SCML4: variants seen among roughly 807,000 people sequenced by gnomAD.
SCML4 encodes Scm polycomb group protein like 4.
SCML4 carries 34 observed loss-of-function variants against 41.1 expected under a neutral mutation model. That is an observed-to-expected ratio of 0.83 (90% CI 0.63 to 1.10). SCML4 has a LOEUF of 1.10. Ranked by LOEUF, SCML4 falls within the 50% of genes least tolerant of loss-of-function variation. The probability of loss-of-function intolerance (pLI) is 0.00; values close to 1 mark genes in which losing one functional copy is unlikely to be tolerated. For missense variants in SCML4, 522 were observed against 534.1 expected (o/e 0.98, Z 0.22); for synonymous variants, 214 against 220.9 (o/e 0.97, Z 0.28).
chr6:107,759,544 C>T (rs777757556), intron 2 of SCML4, among the ~76,000 whole-genome samples: 6 of 152,000 alleles, frequency 3.9e-5, no homozygotes, highest in Admixed American at 1.3e-4. Flanking sequence ...ACTGAAGTGA[C>T]GGGTGAGAGA....
At chr6:107,845,383 G>A in the SCML4 span, among the ~76,000 whole-genome samples, 1 of 152,232 alleles carries the variant, frequency 6.6e-6, no homozygotes. Flanking sequence ...GGAGCCTAGA[G>A]ACGCTCCGGG....
chr6:107,796,149 G>T (rs1282311833), intron 1 of SCML4, among the ~76,000 whole-genome samples: 1 of 151,982 alleles, frequency 6.6e-6, no homozygotes, highest in Non-Finnish European at 1.5e-5. Context: ...TTCTCTACAA[G>T]TCTTTTGTGG....
At chr6:107,805,578 T>C (rs1024925382) in intron 1 of SCML4, among the ~76,000 whole-genome samples, 4 of 152,230 alleles carry the variant, frequency 2.6e-5, no homozygotes, top group African/African-American at 7.2e-5. Context: ...TTATGGGCCC[T>C]GGTGTTTCTG....
chr6:107,767,274 G>A (rs1780138000), intron 2 of SCML4, among the ~76,000 whole-genome samples: 2 of 152,140 alleles, frequency 1.3e-5, no homozygotes, highest in African/African-American at 4.8e-5. Context: ...TATCTTTAAT[G>A]TCTGTAATAC....
rs369179914 is a variant in SCML4 at position 107,720,631 on chromosome 6, C to T, written c.973+72G>A. The T allele has an allele frequency of 7.7e-4, 1,119 of 1,452,760 alleles. 1 individual carries two copies. Among genetic ancestry groups the T allele is most frequent in the Admixed American group, 9.6e-4 (38 of 39,624 alleles). 90.0% of individuals were successfully genotyped at this position (1,452,760 alleles called of 1,614,324 possible). ...TTAAACAGCCACACTCCCCCTTCCC[C>T]AGATGCTGTGCTCCCCGCGCAAGGG... On this transcript the variant is annotated intron_variant, in intron 6 of 7. Coordinates refer to ENST00000369020, the MANE Select transcript of SCML4 (RefSeq NM_198081.5).
the SCML4 span, among the ~76,000 whole-genome samples, chr6:107,843,619 T>G: frequency 6.6e-6 from 1 of 152,158 alleles, no homozygotes; most frequent in African/African-American, 2.4e-5. Flanking sequence ...CTCTGCCCAC[T>G]GGCCCTGCCG....
At chr6:107,724,895 C>T (rs1016432533) in intron 5 of SCML4, among the ~76,000 whole-genome samples, 2 of 152,158 alleles carry the variant, frequency 1.3e-5, no homozygotes, top group East Asian at 3.8e-4. Flanking sequence ...CAACAATAAT[C>T]AAGACAATGT....
chr6:107,702,708 G>A lies in SCML4; in HGVS notation c.*2492C>T, dbSNP rs1773283886. Reference sequence around the variant, plus strand: ...ACGATTAATAAATTCTTAAGAGACAGGCCCTATCACCTTAAAATCTTGAAG... The same window carrying A: ...ACGATTAATAAATTCTTAAGAGACAAGCCCTATCACCTTAAAATCTTGAAG... On this transcript the variant is annotated 3_prime_UTR_variant, in exon 8 of 8. Transcript: ENST00000369020. Among the ~76,000 whole-genome samples, 1 of 152,196 alleles carries A rather than the reference G, an allele frequency of 6.6e-6. No homozygotes were observed. Among genetic ancestry groups the A allele is most frequent in the Non-Finnish European group, 1.5e-5 (1 of 68,050 alleles).
chr6:107,761,373 C>T (rs536777476), intron 2 of SCML4, among the ~76,000 whole-genome samples: 22 of 151,314 alleles, frequency 1.5e-4, no homozygotes, highest in African/African-American at 4.4e-4. Context: ...AAGAAACACC[C>T]TAATAAGCTA....
chr6:107,761,273 T>G (rs1240467583), intron 2 of SCML4, among the ~76,000 whole-genome samples: 1 of 152,146 alleles, frequency 6.6e-6, no homozygotes, highest in Non-Finnish European at 1.5e-5. Context: ...GAATAAAATA[T>G]AAATCCACAC....
At chr6:107,832,954 G>A in the SCML4 span, among the ~76,000 whole-genome samples, 3 of 152,218 alleles carry the variant, frequency 2.0e-5, no homozygotes, top group Non-Finnish European at 4.4e-5. Context: ...TGATGCAGGT[G>A]AAACCACATT....
intron 1 of SCML4, among the ~76,000 whole-genome samples, chr6:107,789,736 G>A (rs1036112344): frequency 4.6e-5 from 7 of 152,190 alleles, no homozygotes; most frequent in African/African-American, 1.7e-4. Context: ...CACCACACCT[G>A]TGGAAGGGAG....
At chr6:107,825,377 T>C (rs1785211779), upstream of SCML4, among the ~76,000 whole-genome samples, 1 of 152,220 alleles carries the variant, frequency 6.6e-6, no homozygotes, top group Non-Finnish European at 1.5e-5. Context: ...AAAACTGCAA[T>C]GGACAACTTG....
chr6:107,703,816 T>C lies in SCML4; in HGVS notation c.*1384A>G, dbSNP rs1173476747. On this transcript the variant is annotated 3_prime_UTR_variant, in exon 8 of 8. Transcript: ENST00000369020. The stretch of plus-strand genomic sequence containing the variant: ...CCAAAATCTAATGTTCATCTCCTCA[T>C]CTCCAACACTGTTGATGTCCTTTTA... 6.6e-6 allele frequency among the ~76,000 whole-genome samples: 1 copy of C among 152,166 alleles called. No homozygotes were observed. The highest frequency in any genetic ancestry group is 1.9e-4 in the East Asian group (1 of 5,202).
intron 1 of SCML4, among the ~76,000 whole-genome samples, chr6:107,816,941 C>T (rs1434883221): frequency 3.3e-5 from 5 of 152,104 alleles, no homozygotes; most frequent in Non-Finnish European, 4.4e-5. Flanking sequence ...GAAAGAAAAC[C>T]CCTGAAACTG....
chr6:107,790,247 C>A (rs907403497), intron 1 of SCML4, among the ~76,000 whole-genome samples: 7 of 152,164 alleles, frequency 4.6e-5, no homozygotes, highest in African/African-American at 1.4e-4. Flanking sequence ...AGTAGTATTA[C>A]CATGGACAAT....
At chr6:107,781,793 T>C (rs1781520499) in intron 1 of SCML4, among the ~76,000 whole-genome samples, 1 of 152,164 alleles carries the variant, frequency 6.6e-6, no homozygotes, top group Non-Finnish European at 1.5e-5. Context: ...CAGTAGTAGA[T>C]GAAGCTTCTA....
chr6:107,779,685 T>G (rs1781331451), intron 1 of SCML4, among the ~76,000 whole-genome samples: 1 of 152,214 alleles, frequency 6.6e-6, no homozygotes. Flanking sequence ...CATGTTGCCC[T>G]CACTGTGAGC....
chr6:107,782,749 G>C (rs188620733), intron 1 of SCML4, among the ~76,000 whole-genome samples: 43 of 148,416 alleles, frequency 2.9e-4, no homozygotes, highest in East Asian at 1.3e-3. Flanking sequence ...TGCCTGATGG[G>C]AGGTGCTGGT....
Sources: allele counts gnomAD v4.1 joint callset (sites outside exome capture counted in the v4.1 genomes callset), GRCh38; gene constraint gnomAD v4.1.1; transcripts MANE v1.5; gene names NCBI Gene and HGNC (gene_info 2026-07-23, HGNC 2026-07-21).